The following WNK1 variants were observed in gnomAD, a reference collection of about 807,000 sequenced individuals.
WNK1 encodes the protein serine/threonine-protein kinase WNK1.
A neutral mutation model predicts 222.8 loss-of-function variants in WNK1; 38 were observed. The ratio of observed to expected loss-of-function variants is 0.17; its 90% CI spans 0.13 to 0.22. The LOEUF is 0.22. Among genes scored for constraint, WNK1 ranks in the 10% least tolerant of loss-of-function variants. The pLI is 1.00. For synonymous variants in WNK1, 1,090 were observed against 1,092.9 expected (o/e 1.00, Z 0.05); for missense variants, 2,348 against 2,918.4 (o/e 0.80, Z 4.50).
intron 3 of WNK1, among the ~76,000 whole-genome samples, chr12:828,629 G>T (rs1771651840): frequency 6.6e-6 from 1 of 152,032 alleles, no homozygotes; most frequent in African/African-American, 2.4e-5. Flanking sequence ...TGCTATATAT[G>T]GCCCCTAGAA....
intron 24 of WNK1, 84 bp downstream of exon 24, chr12:896,816 C>A: frequency 6.9e-7 from 1 of 1,458,746 alleles, no homozygotes. Flanking sequence ...ATATTTTTCG[C>A]CACAATATGC....
chr12:819,173 G>T (rs1947633445), intron 2 of WNK1, among the ~76,000 whole-genome samples: 1 of 151,976 alleles, frequency 6.6e-6, no homozygotes, highest in African/African-American at 2.4e-5. Context: ...CAAGTTCTTT[G>T]CTCATTTTTT....
chr12:877,572 TG>T (rs562228479), intron 9 of WNK1, among the ~76,000 whole-genome samples: 22 of 152,194 alleles, frequency 1.4e-4, no homozygotes, highest in Non-Finnish European at 3.1e-4. Context: ...TCATTCCCTT[TG>T]CCCCACTTTG....
intron 27 of WNK1, 41 bp downstream of exon 27, chr12:908,075 C>T: frequency 6.2e-7 from 1 of 1,607,146 alleles, no homozygotes; most frequent in East Asian, 2.2e-5. Context: ...TAACACACAT[C>T]TGAGTCAAGG....
At position 803,707 on chromosome 12, in the gene WNK1, A is replaced by G. The variant is rs544878999; in HGVS notation, c.760-9935A>G. Among the ~76,000 whole-genome samples, 15 of 152,352 alleles carry G rather than the reference A, an allele frequency of 9.8e-5. 1 individual carries two copies. The South Asian group carries it at 2.9e-3, about 29-fold the overall frequency. ...AGCCGAGATTGTGCCACTGCACTCC[A>G]GCCTGTGTGACAGAGTGAGACTCCA... On this transcript the variant is annotated intron_variant, in intron 1 of 27. Transcript: ENST00000315939.
intron 1 of WNK1, among the ~76,000 whole-genome samples, chr12:772,218 G>A (rs1283055232): frequency 6.6e-6 from 1 of 152,170 alleles, no homozygotes. Flanking sequence ...CCAGAGATAA[G>A]CATTGTTACT....
rs967671171 is a variant in WNK1 at position 765,022 on chromosome 12, A to G, written c.759+10698A>G. Reference sequence around the variant, plus strand: ...AGCTAATTTTGTATTTTTAGTAGAGACAGGGTTTTGCCATGTTGGCCAGGC... The same window carrying G: ...AGCTAATTTTGTATTTTTAGTAGAGGCAGGGTTTTGCCATGTTGGCCAGGC... On this transcript the variant is annotated intron_variant, in intron 1 of 27. Transcript: ENST00000315939. Among the ~76,000 whole-genome samples the G allele has an allele frequency of 4.7e-5, 7 of 147,702 alleles. 1 individual carries two copies. Among genetic ancestry groups the G allele is most frequent in the Non-Finnish European group, 1.1e-4 (7 of 66,008 alleles).
chr12:817,619 A>G (rs1947468145), intron 2 of WNK1, among the ~76,000 whole-genome samples: 1 of 152,184 alleles, frequency 6.6e-6, no homozygotes, highest in Non-Finnish European at 1.5e-5. Context: ...TAGCTGAAAA[A>G]TAAGATGGGA....
At chr12:908,384 C>T in intron 27 of WNK1, 91 bp from the exon 28 acceptor site, 1 of 1,337,894 alleles carries the variant, frequency 7.5e-7, no homozygotes, top group Non-Finnish European at 1.1e-6. Flanking sequence ...TCTGCTGTAT[C>T]TTACAGGATT....
rs752081140 is a variant in WNK1, at chr12:884,751, CAGA to C, written c.3950_3952del (p.Glu1317del). ...TCTGAACTTAGACGTGCCCAAATGA[CAGA>C]AGGACCCAACACAGCACCTCCAAAC... On this transcript the variant is annotated inframe_deletion, in exon 19 of 28. Transcript: ENST00000315939. This position sits in a 1 kb window ranked among gnomAD's most constrained non-coding sequence, Gnocchi z 5.6. 1 of 1,614,170 alleles carries C rather than the reference CAGA, an allele frequency of 6.2e-7. No homozygotes were observed. The highest frequency in any genetic ancestry group is 8.5e-7 in the Non-Finnish European group (1 of 1,180,028).
At chr12:802,871 G>T (rs1194029439) in intron 1 of WNK1, among the ~76,000 whole-genome samples, 1 of 152,132 alleles carries the variant, frequency 6.6e-6, no homozygotes, top group Non-Finnish European at 1.5e-5. Context: ...CCAGCCTGAG[G>T]CCACAAATAA....
chr12:867,758 T>C, intron 8 of WNK1: 2 of 1,185,158 alleles, frequency 1.7e-6, no homozygotes, highest in Non-Finnish European at 2.4e-6. Context: ...TAATTATAAA[T>C]TTAGTGTAAC....
intron 1 of WNK1, among the ~76,000 whole-genome samples, chr12:778,627 G>A (rs1364141468): frequency 6.7e-6 from 1 of 150,330 alleles, no homozygotes; most frequent in Non-Finnish European, 1.5e-5. Flanking sequence ...CACCGTGCCC[G>A]GCCAATGATC....
chr12:781,805 G>A (rs747355603), intron 1 of WNK1, among the ~76,000 whole-genome samples: 2 of 152,140 alleles, frequency 1.3e-5, no homozygotes, highest in African/African-American at 4.8e-5. Context: ...GTGTTCTAAT[G>A]ATTGAGATAA....
chr12:775,519 G>C (rs1444856617), intron 1 of WNK1, among the ~76,000 whole-genome samples: 1 of 152,074 alleles, frequency 6.6e-6, no homozygotes, highest in Non-Finnish European at 1.5e-5. Flanking sequence ...AGACCAGCCT[G>C]AGCAACATAG....
intron 1 of WNK1, among the ~76,000 whole-genome samples, chr12:780,803 G>A (rs1943616994): frequency 6.6e-6 from 1 of 152,194 alleles, no homozygotes; most frequent in Admixed American, 6.5e-5. Flanking sequence ...AAACTGAGTG[G>A]TAGAGTTGGA....
At chr12:800,869 T>C (rs1367322975) in intron 1 of WNK1, among the ~76,000 whole-genome samples, 1 of 152,156 alleles carries the variant, frequency 6.6e-6, no homozygotes, top group Non-Finnish European at 1.5e-5. Flanking sequence ...AGGGTAAGCA[T>C]TGGGTGATCA....
At chr12:813,544 T>C in intron 1 of WNK1, 98 bp from the exon 2 acceptor site, 1 of 1,298,720 alleles carries the variant, frequency 7.7e-7, no homozygotes, top group Non-Finnish European at 1.1e-6. Flanking sequence ...TTAAACACCA[T>C]CGATCATGAT....
intron 4 of WNK1, among the ~76,000 whole-genome samples, chr12:844,958 G>C (rs908997071): frequency 8.2e-5 from 12 of 145,766 alleles, no homozygotes; most frequent in Admixed American, 3.4e-4. Flanking sequence ...TGCAGTGGCG[G>C]GATCTCGGCT....
Sources: allele counts gnomAD v4.1 joint callset (sites outside exome capture counted in the v4.1 genomes callset), GRCh38; gene constraint gnomAD v4.1.1; non-coding constraint Gnocchi (gnomAD v3.1); transcripts MANE v1.5; gene names NCBI Gene and HGNC (gene_info 2026-07-23, HGNC 2026-07-21).